CAMTA1: variants seen among roughly 807,000 people sequenced by gnomAD.
The protein encoded by CAMTA1 is calmodulin binding transcription activator 1, also known as calmodulin-binding transcription activator 1.
CAMTA1 carries 27 observed loss-of-function variants against 170.9 expected under a neutral mutation model. The observed-to-expected ratio is 0.16, with a 90% CI of 0.12 to 0.22. CAMTA1 has a LOEUF of 0.22. CAMTA1 is among the 10% of genes least tolerant of loss of function. The pLI is 1.00. For synonymous variants in CAMTA1, 833 were observed against 891.5 expected, an observed-to-expected ratio of 0.93 and a Z score of 1.17; for missense variants, 1,619 against 2,217.2, an observed-to-expected ratio of 0.73 and a Z score of 5.42.
At chr1:6,823,271 A>C (rs1280509683) in intron 2 of CAMTA1, among the ~76,000 whole-genome samples, 1 of 152,230 alleles carries the variant, frequency 6.6e-6, no homozygotes, top group East Asian at 1.9e-4. Flanking sequence ...CCTCGGGAGG[A>C]TGAAGTGCAG....
intron 3 of CAMTA1, among the ~76,000 whole-genome samples, chr1:6,921,652 C>A (rs2149325273): frequency 1.3e-5 from 2 of 152,310 alleles, no homozygotes; most frequent in East Asian, 3.9e-4. Context: ...ACTCACAGTT[C>A]CATGTGGCTG....
intron 5 of CAMTA1, among the ~76,000 whole-genome samples, chr1:7,340,898 C>T (rs1231999676): frequency 1.3e-5 from 2 of 152,224 alleles, no homozygotes; most frequent in African/African-American, 2.4e-5. Flanking sequence ...ATGAACAAAC[C>T]CATACGTAGT....
At chr1:7,213,732 A>G (rs903497866) in intron 4 of CAMTA1, among the ~76,000 whole-genome samples, 6 of 151,986 alleles carry the variant, frequency 3.9e-5, no homozygotes, top group Admixed American at 2.0e-4. Context: ...AACATGAGGT[A>G]TATCTCCTAA....
In CAMTA1 at chr1:7,074,291, A is replaced by T. The variant is rs559313194; in HGVS notation, c.235-17013A>T. Among the ~76,000 whole-genome samples the T allele has an allele frequency of 3.9e-5, 6 of 152,296 alleles. No individual in the cohort carries two copies. In the East Asian group the frequency reaches 1.2e-3, roughly 29 times the overall value. The stretch of plus-strand genomic sequence containing the variant: ...CGCTGCTTCCCTCATTCCTGTATTC[A>T]GTTTTATTGCTTGTCTTGCAAAATG... On this transcript the variant is annotated intron_variant, in intron 3 of 22. Coordinates refer to ENST00000303635, the MANE Select transcript of CAMTA1 (RefSeq NM_015215.4).
At chr1:7,417,853 C>T (rs943217793) in intron 5 of CAMTA1, among the ~76,000 whole-genome samples, 9 of 152,176 alleles carry the variant, frequency 5.9e-5, no homozygotes, top group Non-Finnish European at 1.0e-4. Context: ...AGAAATCACC[C>T]GTCTTCTGTG....
At chr1:7,151,309 G>A (rs369671203) in intron 4 of CAMTA1, among the ~76,000 whole-genome samples, 5 of 152,340 alleles carry the variant, frequency 3.3e-5, no homozygotes, top group South Asian at 4.1e-4. Context: ...TAACTGATGC[G>A]TGATTCTTCA....
intron 6 of CAMTA1, among the ~76,000 whole-genome samples, chr1:7,600,443 C>T (rs532250454): frequency 8.6e-5 from 13 of 151,412 alleles, no homozygotes; most frequent in East Asian, 7.7e-4. Context: ...ATCAGGATAA[C>T]GCTGGCCTCA....
chr1:7,392,600 C>T (rs1383603696), intron 5 of CAMTA1, among the ~76,000 whole-genome samples: 21 of 16,344 alleles, frequency 1.3e-3, no homozygotes, highest in Admixed American at 0.012. Context: ...TGGAGGTGGG[C>T]GCAATAGCTC....
At chr1:6,929,134 TTAGA>T (rs1683899112) in intron 3 of CAMTA1, among the ~76,000 whole-genome samples, 4 of 152,246 alleles carry the variant, frequency 2.6e-5, no homozygotes, top group Non-Finnish European at 4.4e-5. Context: ...GGACATACTC[TTAGA>T]ATAAAGAACA....
intron 6 of CAMTA1, among the ~76,000 whole-genome samples, chr1:7,630,850 G>T (rs1205659478): frequency 5.9e-5 from 9 of 152,252 alleles, no homozygotes; most frequent in Non-Finnish European, 1.3e-4. Flanking sequence ...CGCAGTGGGA[G>T]ATCCCTGGGC....
chr1:6,834,648 T>A, intron 3 of CAMTA1: 1 of 157,386 alleles, frequency 6.4e-6, no homozygotes, highest in South Asian at 1.8e-4. Flanking sequence ...TTTTTAATTT[T>A]TTTTTTTGAG....
intron 3 of CAMTA1, among the ~76,000 whole-genome samples, chr1:6,917,688 G>C (rs1681116823): frequency 6.6e-6 from 1 of 151,924 alleles, no homozygotes; most frequent in African/African-American, 2.4e-5. Context: ...CGGCTTTGCA[G>C]TAGGATTTAT....
chr1:7,534,695 G>A lies in CAMTA1; in HGVS notation c.510+66794G>A, dbSNP rs536938344. Among the ~76,000 whole-genome samples, 53 of 152,278 alleles carry A rather than the reference G, an allele frequency of 3.5e-4. 1 individual carries two copies. The South Asian group carries it at 9.7e-3, about 28-fold the overall frequency. ...GGCCGAGGGGAGCTGAGGCCACGGC[G>A]GGGACTCCTCACTCCTCCTTCCTAA... On this transcript the variant is annotated intron_variant, in intron 6 of 22. Transcript: ENST00000303635. The surrounding 1 kb of genome is among the most constrained non-coding windows in gnomAD (Gnocchi z 5.6).
chr1:6,858,765 A>G, intron 3 of CAMTA1, among the ~76,000 whole-genome samples: 1 of 152,194 alleles, frequency 6.6e-6, no homozygotes, highest in Middle Eastern at 3.2e-3. Flanking sequence ...TTATGCTTTT[A>G]TATGAGGACC....
intron 4 of CAMTA1, among the ~76,000 whole-genome samples, chr1:7,190,307 C>T (rs1330470602): frequency 1.3e-5 from 2 of 152,030 alleles, no homozygotes; most frequent in Non-Finnish European, 2.9e-5. Context: ...AAAATCAAGC[C>T]ACAAAAGAGC....
At chr1:7,103,783 A>G (rs1234877231) in intron 4 of CAMTA1, among the ~76,000 whole-genome samples, 2 of 151,262 alleles carry the variant, frequency 1.3e-5, no homozygotes, top group Non-Finnish European at 2.9e-5. Context: ...ACACATAACT[A>G]CACGTACATA....
chr1:7,348,559 A>G (rs1259750555), intron 5 of CAMTA1, among the ~76,000 whole-genome samples: 2 of 152,224 alleles, frequency 1.3e-5, no homozygotes, highest in Non-Finnish European at 2.9e-5. Context: ...TCGGCCGCCT[A>G]CAAAGGCGAC....
intron 6 of CAMTA1, among the ~76,000 whole-genome samples, chr1:7,557,057 C>T (rs2094888321): frequency 6.6e-6 from 1 of 152,052 alleles, no homozygotes; most frequent in African/African-American, 2.4e-5. Flanking sequence ...CCTGTAATCC[C>T]AGCACTTGGG....
chr1:7,043,726 G>A (rs765827238), intron 3 of CAMTA1, among the ~76,000 whole-genome samples: 3 of 152,146 alleles, frequency 2.0e-5, no homozygotes, highest in Non-Finnish European at 4.4e-5. Flanking sequence ...AGCTGTTTTC[G>A]TCTTCGGTGG....
Sources: allele counts gnomAD v4.1 joint callset (sites outside exome capture counted in the v4.1 genomes callset), GRCh38; gene constraint gnomAD v4.1.1; non-coding constraint Gnocchi (gnomAD v3.1); transcripts MANE v1.5; gene names NCBI Gene and HGNC (gene_info 2026-07-23, HGNC 2026-07-21).